The following EPN2 variants were observed in gnomAD, a reference collection of about 807,000 sequenced individuals.
EPN2 encodes epsin 2.
A neutral mutation model predicts 61.7 loss-of-function variants in EPN2; 34 were observed. That is an observed-to-expected ratio of 0.55 (90% CI 0.42 to 0.73). The LOEUF is 0.73. Ranked by LOEUF, EPN2 falls within the 30% of genes least tolerant of loss-of-function variation. The pLI is 0.00. For synonymous variants in EPN2, 349 were observed against 353.6 expected (o/e 0.99, Z 0.15); for missense variants, 714 against 839.2 (o/e 0.85, Z 1.84).
intron 4 of EPN2, among the ~76,000 whole-genome samples, chr17:19,293,176 C>T (rs1476519551): frequency 2.0e-5 from 3 of 151,804 alleles, no homozygotes; most frequent in African/African-American, 4.8e-5. Context: ...GCCAGGAGTT[C>T]GAGGCCAGCT....
intron 1 of EPN2, among the ~76,000 whole-genome samples, chr17:19,245,476 GATCTCA>G (rs2044935741): frequency 7.2e-6 from 1 of 139,458 alleles, no homozygotes; most frequent in African/African-American, 3.1e-5. Context: ...GCAGTGGCGG[GATCTCA>G]GCTCACTGCA....
intron 1 of EPN2, among the ~76,000 whole-genome samples, chr17:19,264,759 G>A (rs556683613): frequency 3.9e-5 from 6 of 152,284 alleles, no homozygotes; most frequent in Non-Finnish European, 5.9e-5. Flanking sequence ...GGCTGGACTC[G>A]GTGCCCTGTA....
At chr17:19,322,494 A>G (rs969794864) in intron 7 of EPN2, among the ~76,000 whole-genome samples, 6 of 152,072 alleles carry the variant, frequency 3.9e-5, no homozygotes, top group Admixed American at 2.0e-4. Flanking sequence ...CGCCTGGCCA[A>G]TAATATATTT....
chr17:19,279,602 C>T (rs2045341078), intron 1 of EPN2, among the ~76,000 whole-genome samples: 1 of 151,862 alleles, frequency 6.6e-6, no homozygotes, highest in Admixed American at 6.6e-5. Flanking sequence ...CTATGCCTGG[C>T]TAATTTTTTG....
Position 19,331,981 on chromosome 17 carries a change from G to T in EPN2, c.1540G>T (p.Gly514Cys), listed in dbSNP as rs1296013936. The T allele has an allele frequency of 8.7e-6, 14 of 1,613,950 alleles. No individual in the cohort carries two copies. The highest frequency in any genetic ancestry group is 1.2e-5 in the Non-Finnish European group (14 of 1,180,024). The change falls in exon 10 of 11, where the codon GGC (glycine) becomes TGC (cysteine). Residue 514 changes from glycine to cysteine, a missense_variant. By Grantham distance (159) the Gly-to-Cys change is radical (BLOSUM62 -3). Transcript: ENST00000314728. ...CCGGAAAACACCTGAGTCCTTCCTG[G>T]GCCCCAACGCGGCCCTGGTGAACCT... Reference protein sequence around the residue: ...SARKTPESFLGPNAALVNLDS... With the variant: ...SARKTPESFLCPNAALVNLDS...
chr17:19,295,853 G>T (rs1567858519), intron 4 of EPN2, among the ~76,000 whole-genome samples: 1 of 152,140 alleles, frequency 6.6e-6, no homozygotes, highest in Non-Finnish European at 1.5e-5. Context: ...GTGTGCTGGG[G>T]GCTGCTGGTT....
At chr17:19,276,379 TTTTTTTTTTTTTTG>T in intron 1 of EPN2, 3 of 136,428 alleles carry the variant, frequency 2.2e-5, no homozygotes, top group African/African-American at 2.8e-5. Flanking sequence ...TTTTTTTTTT[TTTTTTTTTTTTTTG>T]TAGAAATGAG....
At chr17:19,239,825 A>G (rs2044863870) in intron 1 of EPN2, among the ~76,000 whole-genome samples, 1 of 152,238 alleles carries the variant, frequency 6.6e-6, no homozygotes, top group Admixed American at 6.5e-5. Flanking sequence ...TAAAACTTTC[A>G]AGTGATAATA....
intron 1 of EPN2, among the ~76,000 whole-genome samples, chr17:19,255,347 TA>T (rs1327674216): frequency 6.6e-6 from 1 of 152,118 alleles, no homozygotes; most frequent in African/African-American, 2.4e-5. Flanking sequence ...TTCCTAGCTG[TA>T]ATGTGACCTG....
In EPN2 at chr17:19,283,456, G is replaced by A; in HGVS notation, c.337G>A (p.Asp113Asn). The A allele has an allele frequency of 6.2e-7, 1 of 1,614,212 alleles. No individual in the cohort carries two copies. Among genetic ancestry groups the A allele is most frequent in the Non-Finnish European group, 8.5e-7 (1 of 1,180,044 alleles). The part of the protein sequence containing the change: ...IQTLKDFQYI[D>N]RDGKDQGINV... ...GACCCTGAAGGACTTCCAGTACATTGACCGAGATGGCAAGGACCAGGGCAT... is the reference window on the plus strand; with the variant it reads ...GACCCTGAAGGACTTCCAGTACATTAACCGAGATGGCAAGGACCAGGGCAT... Residue 113 changes from aspartate to asparagine, a missense_variant, in exon 3 of 11, where the codon GAC (aspartate) becomes AAC (asparagine). By Grantham distance (23) the Asp-to-Asn change is conservative. Transcript: ENST00000314728. This position sits in a 1 kb window ranked among gnomAD's most constrained non-coding sequence, Gnocchi z 7.0.
rs373066033 is a variant in EPN2 at position 19,334,103 on chromosome 17, C to T, written c.1775C>T (p.Ser592Leu). The change falls in exon 11 of 11, where the codon TCG (serine) becomes TTG (leucine). Residue 592 changes from serine (S) to leucine (L), a missense_variant. Around this residue, in one of 2 missense-constraint regions of EPN2, gnomAD observed 410 missense variants for 421.8 expected, o/e 0.97. Transcript: ENST00000314728. The surrounding 1 kb of genome is among the most constrained non-coding windows in gnomAD (Gnocchi z 4.9). ...GGAGTGGAGTCCATGGCTGTGGCCT[C>T]GATGACCTCCGCGGCCCCACAGCCA... ...GPGVESMAVA[S>L]MTSAAPQPAL... The T allele has an allele frequency of 1.9e-5, 31 of 1,608,594 alleles. No individual in the cohort carries two copies. Among genetic ancestry groups the T allele is most frequent in the African/African-American group, 2.7e-5 (2 of 74,970 alleles).
Position 19,334,248 on chromosome 17 carries a change from T to C in EPN2, c.1920T>C (p.Leu640=), listed in dbSNP as rs1356673566. 6.9e-7 allele frequency: 1 copy of C among 1,452,756 alleles called. No individual in the cohort carries two copies. The highest frequency in any genetic ancestry group is 2.6e-5 in the East Asian group (1 of 38,450). The allele number at this position is 1,452,756 out of a possible 1,614,324, so 90.0% of individuals were successfully genotyped here. A position where few individuals can be genotyped will look rare whatever the true frequency, so the allele number is the denominator to read the frequency against. ...CCACTGGCACAACCAACCCTTTCCTTCTCTAGTGCCTGGGCCTGGGACCCA... is the reference window on the plus strand; with the variant it reads ...CCACTGGCACAACCAACCCTTTCCTCCTCTAGTGCCTGGGCCTGGGACCCA... ...AQATGTTNPF[L]L is the part of the protein sequence containing the mutation. The change falls in exon 11 of 11, where the codon CTT becomes CTC. Residue 640 remains leucine (L), a synonymous_variant. Coordinates refer to ENST00000314728, the MANE Select transcript of EPN2 (RefSeq NM_014964.5). The surrounding 1 kb of genome is among the most constrained non-coding windows in gnomAD (Gnocchi z 4.9).
rs189679518 is a variant in EPN2 at position 19,306,698 on chromosome 17, C to G, written c.767-3187C>G. The stretch of plus-strand genomic sequence containing the variant: ...GTTCAGAGCCCCGTGCCCACTCTCC[C>G]CCTCCAACCTGGCTGTATCAGGCAC... On this transcript the variant is annotated intron_variant, in intron 4 of 10. Transcript: ENST00000314728. Among the ~76,000 whole-genome samples, 13 of 152,332 alleles carry G rather than the reference C, an allele frequency of 8.5e-5. No homozygotes were observed. The East Asian group carries it at 2.1e-3, about 25-fold the overall frequency.
intron 9 of EPN2, among the ~76,000 whole-genome samples, chr17:19,330,300 C>G (rs1014129315): frequency 5.3e-5 from 8 of 152,204 alleles, no homozygotes; most frequent in African/African-American, 1.7e-4. Flanking sequence ...GGCAACTTCT[C>G]TCTTTTTTTC....
At chr17:19,249,870 A>T (rs564173170) in intron 1 of EPN2, among the ~76,000 whole-genome samples, 7 of 150,762 alleles carry the variant, frequency 4.6e-5, no homozygotes, top group Non-Finnish European at 8.8e-5. Context: ...CTGGGGGGGA[A>T]CCCGTTTTCT....
At chr17:19,308,839 G>A (rs986296267) in intron 4 of EPN2, among the ~76,000 whole-genome samples, 1 of 152,180 alleles carries the variant, frequency 6.6e-6, no homozygotes, top group African/African-American at 2.4e-5. Flanking sequence ...CCTGATGGCT[G>A]TGTAAGCCCC....
chr17:19,317,766 G>A (rs1403915778), intron 7 of EPN2, among the ~76,000 whole-genome samples: 1 of 152,232 alleles, frequency 6.6e-6, no homozygotes, highest in African/African-American at 2.4e-5. Flanking sequence ...TGGAGAGGGA[G>A]AGCACAGAGA....
At chr17:19,289,965 C>T (rs2045446813) in intron 4 of EPN2, among the ~76,000 whole-genome samples, 1 of 151,994 alleles carries the variant, frequency 6.6e-6, no homozygotes, top group Admixed American at 6.5e-5. Flanking sequence ...AAGTGATCTG[C>T]CCAGCTCGGC....
chr17:19,334,062 CT>C lies in EPN2; in HGVS notation c.1737del (p.Phe579LeufsTer15), dbSNP rs780253619. On this transcript the variant is annotated frameshift_variant, in exon 11 of 11. Transcript: ENST00000314728. LOFTEE classifies it high-confidence loss of function. The surrounding 1 kb of genome is among the most constrained non-coding windows in gnomAD (Gnocchi z 4.9). ...GCCCAGTCCTGGGGACCAGCACATC[CT>C]TTGGGCCTGGCCCAGGAGTGGAGTC... is the stretch of plus-strand genomic sequence containing the variant. ...GSPVLGTSTS[F>X]GPGPGVESMA... 1.2e-6 allele frequency: 2 copies of C among 1,610,156 alleles called. No homozygotes were observed. The highest frequency in any genetic ancestry group is 2.2e-5 in the South Asian group (2 of 90,266).
Sources: gnomAD v4.1 joint callset for allele counts (sites outside exome capture counted in the v4.1 genomes callset) on GRCh38, gnomAD v4.1.1 for gene constraint, gnomAD v4.1.1 regional missense constraint, Gnocchi (gnomAD v3.1) non-coding constraint, MANE v1.5 for transcripts, NCBI Gene and HGNC (gene_info 2026-07-23, HGNC 2026-07-21) for gene names.